The following CPQ variants were observed in gnomAD, a reference collection of about 807,000 sequenced individuals.
CPQ encodes the protein Ser-Met dipeptidase.
Under a neutral mutation model 45.7 loss-of-function variants are expected in CPQ, and 37 were observed. The ratio of observed to expected loss-of-function variants is 0.81; its 90% CI spans 0.62 to 1.07. The LOEUF (loss-of-function observed/expected upper bound fraction) is 1.07, where lower values mean the gene tolerates loss of function less well. Ranked by LOEUF, CPQ falls within the 50% of genes least tolerant of loss-of-function variation. The pLI is 0.00. For missense variants in CPQ, 537 were observed against 572.9 expected, an observed-to-expected ratio of 0.94 and a Z score of 0.64; for synonymous variants, 186 against 205.8, an observed-to-expected ratio of 0.90 and a Z score of 0.82.
intron 1 of CPQ, among the ~76,000 whole-genome samples, chr8:96,764,416 T>A (rs1020698725): frequency 1.1e-4 from 17 of 152,160 alleles, no homozygotes; most frequent in African/African-American, 3.1e-4. Flanking sequence ...CTTCTGGGAG[T>A]GTTCCTTATA....
chr8:97,104,449 C>G (rs1811367596), intron 7 of CPQ, among the ~76,000 whole-genome samples: 1 of 152,080 alleles, frequency 6.6e-6, no homozygotes, highest in Non-Finnish European at 1.5e-5. Flanking sequence ...TCATAGTAGC[C>G]TCTGATGAAG....
chr8:96,991,551 GTCATAATAA>G lies in CPQ; in HGVS notation c.961+25507_961+25515del, dbSNP rs1235188838. Among the ~76,000 whole-genome samples the G allele has an allele frequency of 8.2e-3, 945 of 114,638 alleles. 6 individuals are homozygous for G. The highest frequency in any genetic ancestry group is 0.033 in the African/African-American group (872 of 26,752). The allele number at this position is 114,638 out of a possible 152,430, so 75.2% of individuals were successfully genotyped here. On this transcript the variant is annotated intron_variant, in intron 5 of 7. Coordinates refer to ENST00000220763, the MANE Select transcript of CPQ (RefSeq NM_016134.4). ...AGCCTGGGAGACAGAACAAGAGTCT[GTCATAATAA>G]TAATAATAATAATAATAATAATAAT...
intron 2 of CPQ, among the ~76,000 whole-genome samples, chr8:96,808,539 C>G (rs1811115305): frequency 6.6e-6 from 1 of 152,168 alleles, no homozygotes; most frequent in Non-Finnish European, 1.5e-5. Context: ...CTAAAATTCT[C>G]TAGAGTTGAA....
intron 4 of CPQ, among the ~76,000 whole-genome samples, chr8:96,905,409 C>A (rs1321884721): frequency 2.0e-5 from 3 of 152,028 alleles, no homozygotes; most frequent in Admixed American, 6.6e-5. Flanking sequence ...TAGCTGTGAC[C>A]AATAGGATAG....
intron 7 of CPQ, among the ~76,000 whole-genome samples, chr8:97,134,768 G>C (rs77347980): frequency 7.9e-5 from 12 of 152,228 alleles, no homozygotes; most frequent in Non-Finnish European, 1.6e-4. Flanking sequence ...ACTTACTACT[G>C]TATGACATCA....
At chr8:96,890,878 C>G (rs1028124458) in intron 4 of CPQ, among the ~76,000 whole-genome samples, 8 of 152,174 alleles carry the variant, frequency 5.3e-5, no homozygotes, top group Non-Finnish European at 1.5e-5. Context: ...CATTTCCACC[C>G]CTTGTTTTTT....
intron 4 of CPQ, among the ~76,000 whole-genome samples, chr8:96,881,413 C>G (rs981531799): frequency 2.0e-5 from 3 of 152,086 alleles, no homozygotes; most frequent in Non-Finnish European, 2.9e-5. Flanking sequence ...CATGAGAACT[C>G]GCTAACACAA....
chr8:96,966,173 C>CTTTTCTGGGAATCAA, intron 5 of CPQ, 127 bp downstream of exon 5: 1 of 617,600 alleles, frequency 1.6e-6, no homozygotes, highest in Non-Finnish European at 2.7e-6. Context: ...TCAGTTGATT[C>CTTTTCTGGGAATCAA]CCAGAAAAGA....
chr8:97,001,716 T>C (rs1809283753), intron 5 of CPQ, among the ~76,000 whole-genome samples: 1 of 138,656 alleles, frequency 7.2e-6, no homozygotes, highest in African/African-American at 2.8e-5. Flanking sequence ...TTTCTTTCTT[T>C]CTTTCTTTTT....
At chr8:97,090,669 A>G (rs1474282862) in intron 7 of CPQ, among the ~76,000 whole-genome samples, 2 of 152,204 alleles carry the variant, frequency 1.3e-5, no homozygotes, top group Admixed American at 6.5e-5. Context: ...GGGATATGGT[A>G]TGGGAAAAAA....
chr8:96,985,680 C>T (rs763238554), intron 5 of CPQ, among the ~76,000 whole-genome samples: 37 of 152,074 alleles, frequency 2.4e-4, no homozygotes, highest in Non-Finnish European at 1.5e-5. Context: ...ATCAGTTTAC[C>T]AACAAGTTTT....
intron 5 of CPQ, among the ~76,000 whole-genome samples, chr8:96,994,008 C>G (rs989462218): frequency 3.9e-5 from 6 of 152,102 alleles, no homozygotes; most frequent in Admixed American, 3.9e-4. Flanking sequence ...CAGGGCCTAA[C>G]TGGTTAAGAG....
At chr8:96,814,849 G>T (rs751194189) in intron 2 of CPQ, among the ~76,000 whole-genome samples, 2 of 152,192 alleles carry the variant, frequency 1.3e-5, no homozygotes, top group East Asian at 3.9e-4. Flanking sequence ...TGAAGTACTG[G>T]TGCATGCTAA....
At position 96,878,547 on chromosome 8, in the gene CPQ, G is replaced by T. The variant is rs557528966; in HGVS notation, c.642-1251G>T. ...CTTGCCCTGGGCCAGTTAGCAATAA[G>T]CCCAGATTTGAACCCAAGCAGTCTT... On this transcript the variant is annotated intron_variant, in intron 3 of 7. Transcript: ENST00000220763. Among the ~76,000 whole-genome samples the T allele has an allele frequency of 5.9e-5, 9 of 152,246 alleles. No homozygotes were observed. In the South Asian group the frequency reaches 1.5e-3, roughly 25 times the overall value.
At chr8:96,969,115 A>G (rs976030148) in intron 5 of CPQ, among the ~76,000 whole-genome samples, 2 of 152,238 alleles carry the variant, frequency 1.3e-5, no homozygotes, top group Admixed American at 6.5e-5. Context: ...TGAAGTTAGA[A>G]TTTTGAGTTT....
chr8:96,702,462 A>G (rs1809476465), intron 1 of CPQ, among the ~76,000 whole-genome samples: 1 of 152,180 alleles, frequency 6.6e-6, no homozygotes, highest in Non-Finnish European at 1.5e-5. Context: ...TGTATCCATC[A>G]CATGTTTTTA....
At chr8:96,955,038 A>T (rs1813333799) in intron 4 of CPQ, among the ~76,000 whole-genome samples, 1 of 152,178 alleles carries the variant, frequency 6.6e-6, no homozygotes, top group African/African-American at 2.4e-5. Flanking sequence ...TGATATTGTG[A>T]ATAGTGCCAC....
At chr8:96,970,495 C>A (rs1813647553) in intron 5 of CPQ, among the ~76,000 whole-genome samples, 1 of 152,008 alleles carries the variant, frequency 6.6e-6, no homozygotes, top group East Asian at 1.9e-4. Flanking sequence ...AAGCTAAGTA[C>A]CTTGCCCAAG....
intron 4 of CPQ, among the ~76,000 whole-genome samples, chr8:96,943,459 C>T (rs1813149427): frequency 6.6e-6 from 1 of 152,114 alleles, no homozygotes. Context: ...CCTTGTTCTG[C>T]ACGATTTCTA....
Sources: gnomAD v4.1 joint callset for allele counts (sites outside exome capture counted in the v4.1 genomes callset) on GRCh38, gnomAD v4.1.1 for gene constraint, MANE v1.5 for transcripts, NCBI Gene and HGNC (gene_info 2026-07-23, HGNC 2026-07-21) for gene names.